The following CTBP2 variants were observed in gnomAD, a reference collection of about 807,000 sequenced individuals.
CTBP2 encodes the protein C-terminal-binding protein 2.
A neutral mutation model predicts 80.3 loss-of-function variants in CTBP2; 30 were observed. The ratio of observed to expected loss-of-function variants is 0.37; its 90% CI spans 0.28 to 0.51. CTBP2 has a LOEUF of 0.51. Among genes scored for constraint, CTBP2 ranks in the 20% least tolerant of loss-of-function variants. The pLI, the probability that CTBP2 is intolerant of heterozygous loss-of-function variation, is 0.93. For missense variants in CTBP2, 1,212 were observed against 1,375.3 expected (o/e 0.88, Z 1.88); for synonymous variants, 594 against 587.4 (o/e 1.01, Z -0.16).
intron 1 of CTBP2, among the ~76,000 whole-genome samples, chr10:125,134,415 C>A (rs2136161123): frequency 6.6e-6 from 1 of 152,288 alleles, no homozygotes. Context: ...TCTGTAGGGA[C>A]CGCCTGGTGG....
intron 2 of CTBP2, among the ~76,000 whole-genome samples, chr10:125,043,088 C>G (rs903883524): frequency 6.6e-6 from 1 of 152,196 alleles, no homozygotes; most frequent in Non-Finnish European, 1.5e-5. Flanking sequence ...CTTGTAGATA[C>G]TTGGTTGTTT....
At chr10:125,127,438 T>C (rs1855464612) in intron 1 of CTBP2, among the ~76,000 whole-genome samples, 1 of 152,208 alleles carries the variant, frequency 6.6e-6, no homozygotes, top group South Asian at 2.1e-4. Flanking sequence ...AGAATGTGAA[T>C]CATCTTCTCT....
chr10:125,107,071 G>C (rs1851574416), intron 2 of CTBP2, among the ~76,000 whole-genome samples: 1 of 152,172 alleles, frequency 6.6e-6, no homozygotes, highest in Non-Finnish European at 1.5e-5. Flanking sequence ...AGGGAGGCTG[G>C]GATTCCGAAG....
intron 1 of CTBP2, chr10:125,005,445 T>G: frequency 8.5e-7 from 1 of 1,180,278 alleles, no homozygotes; most frequent in Non-Finnish European, 1.2e-6. Flanking sequence ...AAACAGGGTG[T>G]CCGCATGGAT....
rs1277380101 is a variant in CTBP2, at chr10:125,027,808, A to G, written c.-49T>C. 31 of 1,462,934 alleles carry G rather than the reference A, an allele frequency of 2.1e-5. No homozygotes were observed. The highest frequency in any genetic ancestry group is 2.8e-5 in the African/African-American group (2 of 70,432). 90.6% of individuals were successfully genotyped at this position (1,462,934 alleles called of 1,614,324 possible). ...AGGCAGAGGAGAAGCTTTTCTTTAT[A>G]AATCTTCAATTACATACATCAAAAA... is the stretch of plus-strand genomic sequence containing the variant. On this transcript the variant is annotated 5_prime_UTR_variant, in exon 1 of 9. Transcript: ENST00000309035.
chr10:125,127,229 T>C (rs975634777), intron 1 of CTBP2, among the ~76,000 whole-genome samples: 8 of 152,084 alleles, frequency 5.3e-5, no homozygotes, highest in African/African-American at 1.9e-4. Context: ...CCTCCAACTC[T>C]GCTCACCCGC....
chr10:125,110,298 C>A (rs1329636669), intron 2 of CTBP2, among the ~76,000 whole-genome samples: 1 of 152,204 alleles, frequency 6.6e-6, no homozygotes, highest in Non-Finnish European at 1.5e-5. Flanking sequence ...GAAGTTGCCA[C>A]TTTGAGACTT....
Position 125,066,015 on chromosome 10 carries a change from C to T in CTBP2, c.-101-26860G>A, listed in dbSNP as rs530239348. On this transcript the variant is annotated intron_variant, in intron 2 of 10. Transcript: ENST00000337195. The surrounding 1 kb of genome is among the most constrained non-coding windows in gnomAD (Gnocchi z 4.1). ...ACCCAGGTGGCTGAGGTGGGAGGAT[C>T]GCTTGAGCCCAGAAGGCAGAGGTTA... is the stretch of plus-strand genomic sequence containing the variant. 6.6e-6 allele frequency among the ~76,000 whole-genome samples: 1 copy of T among 151,436 alleles called. No homozygotes were observed. The highest frequency in any genetic ancestry group is 6.6e-5 in the Admixed American group (1 of 15,224).
At chr10:125,152,209 G>C (rs1860096793) in intron 1 of CTBP2, among the ~76,000 whole-genome samples, 1 of 152,096 alleles carries the variant, frequency 6.6e-6, no homozygotes, top group African/African-American at 2.4e-5. Context: ...GCTTCACCTG[G>C]GGCTCGGGAG....
chr10:125,012,875 C>T (rs1046529150), intron 1 of CTBP2, among the ~76,000 whole-genome samples: 4 of 92,900 alleles, frequency 4.3e-5, no homozygotes, highest in Non-Finnish European at 7.1e-5. Flanking sequence ...CCACCGCGCC[C>T]GGCCAAAAGA....
intron 1 of CTBP2, among the ~76,000 whole-genome samples, chr10:125,013,816 A>G (rs1253004723): frequency 6.6e-6 from 1 of 152,174 alleles, no homozygotes; most frequent in East Asian, 1.9e-4. Context: ...CACCTGCTGG[A>G]TTGGTTCAAC....
chr10:124,993,101 A>C, intron 7 of CTBP2, 101 bp downstream of exon 9: 1 of 1,418,880 alleles, frequency 7.0e-7, no homozygotes, highest in African/African-American at 1.4e-5. Context: ...CTAAAAGTGA[A>C]TTCTACCTGT....
intron 1 of CTBP2, among the ~76,000 whole-genome samples, chr10:125,118,709 G>C (rs1255879936): frequency 6.7e-6 from 1 of 149,560 alleles, no homozygotes; most frequent in Non-Finnish European, 1.5e-5. Context: ...CCAGTGCAGT[G>C]GAGGCGCTGG....
chr10:125,087,101 G>A (rs987426923), intron 2 of CTBP2, among the ~76,000 whole-genome samples: 3 of 145,722 alleles, frequency 2.1e-5, no homozygotes, highest in South Asian at 2.2e-4. Context: ...TTGAGACAGA[G>A]TCTCGTTCTG....
chr10:125,032,398 G>C (rs1958338591), upstream of CTBP2, among the ~76,000 whole-genome samples: 2 of 152,218 alleles, frequency 1.3e-5, no homozygotes, highest in Non-Finnish European at 2.9e-5. Context: ...CCTGCGATCA[G>C]AAGGTCCCAG....
At position 124,992,663 on chromosome 10, in the gene CTBP2, C is replaced by G. The variant is rs185859463; in HGVS notation, c.2777+32G>C. On this transcript the variant is annotated intron_variant, in intron 8 of 8. Transcript: ENST00000309035. ...CCTGGCCCCGGGGCCGTGGTGCTCA[C>G]AAGCTGAGACAAAGTCAGTTCCTTT... 2.2e-4 allele frequency: 344 copies of G among 1,541,370 alleles called. 7 individuals carry two copies. The East Asian group carries it at 7.2e-3, about 32-fold the overall frequency.
chr10:124,987,433 T>C lies in CTBP2; in HGVS notation c.*2085A>G, dbSNP rs1442968797. On this transcript the variant is annotated 3_prime_UTR_variant, in exon 9 of 9. Coordinates refer to ENST00000309035, the MANE Select transcript of CTBP2 (RefSeq NM_022802.3). ...AATTAAAACCCAGGTGGACCATGGATTCAGACCTGCCTTTTTATGTTTTTG... is the reference window on the plus strand; with the variant it reads ...AATTAAAACCCAGGTGGACCATGGACTCAGACCTGCCTTTTTATGTTTTTG... The C allele has an allele frequency of 6.6e-6, 1 of 152,114 alleles. No homozygotes were observed. Among genetic ancestry groups the C allele is most frequent in the Non-Finnish European group, 1.5e-5 (1 of 68,030 alleles). 9.4% of individuals were successfully genotyped at this position (152,114 alleles called of 1,614,324 possible).
At position 124,985,256 on chromosome 10, in the gene CTBP2, C is replaced by G; in HGVS notation, c.*4262G>C. ...CTTTTTTTCCTTCCAAATTGTAAAT[C>G]TGTCTATAAATGTAACGCATGTGGT... is the stretch of plus-strand genomic sequence containing the variant. On this transcript the variant is annotated 3_prime_UTR_variant, in exon 9 of 9. Coordinates refer to ENST00000309035, the MANE Select transcript of CTBP2 (RefSeq NM_022802.3). The G allele has an allele frequency of 2.6e-6, 1 of 388,366 alleles. No individual in the cohort carries two copies. The highest frequency in any genetic ancestry group is 4.6e-6 in the Non-Finnish European group (1 of 216,030). The allele number at this position is 388,366 out of a possible 1,614,324, so 24.1% of individuals were successfully genotyped here. A position where few individuals can be genotyped will look rare whatever the true frequency, so the allele number is the denominator to read the frequency against.
chr10:125,056,665 C>T (rs1964001594), intron 2 of CTBP2, among the ~76,000 whole-genome samples: 1 of 152,246 alleles, frequency 6.6e-6, no homozygotes, highest in African/African-American at 2.4e-5. Flanking sequence ...CCAACGCCAT[C>T]CTCCTGCCTC....
Sources: gnomAD v4.1 joint callset for allele counts (sites outside exome capture counted in the v4.1 genomes callset) on GRCh38, gnomAD v4.1.1 for gene constraint, Gnocchi (gnomAD v3.1) non-coding constraint, MANE v1.5 for transcripts, NCBI Gene and HGNC (gene_info 2026-07-23, HGNC 2026-07-21) for gene names.